NXN: variants seen among roughly 807,000 people sequenced by gnomAD.
The protein encoded by NXN is nucleoredoxin, also known as nucleoredoxin 1.
NXN carries 16 observed loss-of-function variants against 48.6 expected under a neutral mutation model. The ratio of observed to expected loss-of-function variants is 0.33; its 90% CI spans 0.22 to 0.50. NXN has a LOEUF of 0.50. NXN is among the 20% of genes least tolerant of loss of function. NXN has a pLI of 0.98. For synonymous variants in NXN, 281 were observed against 269.6 expected (o/e 1.04, Z -0.41); for missense variants, 492 against 605.5 (o/e 0.81, Z 1.97).
At chr17:963,626 T>C (rs1480031771) in intron 1 of NXN, among the ~76,000 whole-genome samples, 3 of 148,644 alleles carry the variant, frequency 2.0e-5, no homozygotes, top group African/African-American at 7.4e-5. Context: ...AAAAAGGAAA[T>C]TTTTTTTTTT....
At position 831,000 on chromosome 17, in the gene NXN, CAAAA is replaced by C. The variant is rs567432488; in HGVS notation, c.361-4926_361-4923del. On this transcript the variant is annotated intron_variant, in intron 1 of 7. Coordinates refer to ENST00000336868, the MANE Select transcript of NXN (RefSeq NM_022463.5). This position sits in a 1 kb window ranked among gnomAD's most constrained non-coding sequence, Gnocchi z 4.2. ...GGGCAACAAGAGCGAAACTCCGTCT[CAAAA>C]AAAAAAAAAAAACATGCTCTAACCT... Among the ~76,000 whole-genome samples the C allele has an allele frequency of 1.8e-5, 2 of 108,286 alleles. No homozygotes were observed. The highest frequency in any genetic ancestry group is 3.4e-5 in the African/African-American group (1 of 29,282). 71.0% of individuals were successfully genotyped at this position (108,286 alleles called of 152,430 possible).
intron 5 of NXN, among the ~76,000 whole-genome samples, chr17:813,690 C>A (rs541208625): frequency 6.6e-5 from 10 of 152,274 alleles, no homozygotes; most frequent in Admixed American, 2.0e-4. Flanking sequence ...TACGGCCGGC[C>A]GGGCGCGGTG....
chr17:885,122 G>C (rs1438692605), intron 1 of NXN, among the ~76,000 whole-genome samples: 1 of 152,224 alleles, frequency 6.6e-6, no homozygotes, highest in Non-Finnish European at 1.5e-5. Context: ...CATTCAGGCT[G>C]ACATGTCCCA....
chr17:962,510 A>G (rs2069249775), intron 1 of NXN, among the ~76,000 whole-genome samples: 1 of 152,188 alleles, frequency 6.6e-6, no homozygotes, highest in Non-Finnish European at 1.5e-5. Flanking sequence ...TCTACCAAAA[A>G]TACAAAAATT....
intron 1 of NXN, among the ~76,000 whole-genome samples, chr17:896,705 T>C (rs1366543249): frequency 2.0e-5 from 3 of 152,278 alleles, no homozygotes; most frequent in African/African-American, 7.2e-5. Flanking sequence ...GAAGTTTTTG[T>C]GGAATTGACA....
intron 5 of NXN, among the ~76,000 whole-genome samples, chr17:811,784 G>A (rs1281296708): frequency 2.6e-5 from 4 of 151,998 alleles, no homozygotes; most frequent in Admixed American, 6.6e-5. Flanking sequence ...TCGAGGCCCC[G>A]ACTCCCCCAC....
At chr17:865,510 G>A (rs1321046005) in intron 1 of NXN, among the ~76,000 whole-genome samples, 1 of 151,520 alleles carries the variant, frequency 6.6e-6, no homozygotes, top group African/African-American at 2.4e-5. Context: ...CCACAGTGCT[G>A]GTATTACAGG....
chr17:845,312 A>G (rs1015638974), intron 1 of NXN, among the ~76,000 whole-genome samples: 1 of 151,760 alleles, frequency 6.6e-6, no homozygotes, highest in Non-Finnish European at 1.5e-5. Flanking sequence ...CTAAAATCCT[A>G]CCATCATCAC....
intron 1 of NXN, among the ~76,000 whole-genome samples, chr17:975,016 T>C (rs1336572747): frequency 6.6e-6 from 1 of 151,872 alleles, no homozygotes; most frequent in African/African-American, 2.4e-5. Context: ...GCAAAGACAA[T>C]GTTTCACCAT....
At chr17:916,611 C>A (rs1168169053) in intron 1 of NXN, among the ~76,000 whole-genome samples, 2 of 152,178 alleles carry the variant, frequency 1.3e-5, no homozygotes, top group Non-Finnish European at 2.9e-5. Context: ...GGGATCCCTG[C>A]AAAGCACTCA....
chr17:951,630 C>G (rs1284824830), intron 1 of NXN, among the ~76,000 whole-genome samples: 2 of 151,926 alleles, frequency 1.3e-5, no homozygotes, highest in East Asian at 1.9e-4. Flanking sequence ...GATCCAGGCG[C>G]TCTCTGGCAG....
intron 1 of NXN, among the ~76,000 whole-genome samples, chr17:861,905 C>CG (rs1567838177): frequency 6.6e-6 from 1 of 152,032 alleles, no homozygotes; most frequent in Non-Finnish European, 1.5e-5. Context: ...TCTCAGCTCA[C>CG]TGCAACCTCT....
intron 1 of NXN, among the ~76,000 whole-genome samples, chr17:885,295 T>G (rs1274935909): frequency 6.6e-6 from 1 of 152,070 alleles, no homozygotes; most frequent in African/African-American, 2.4e-5. Context: ...CTGGCCAACA[T>G]GGTGACACCT....
intron 1 of NXN, among the ~76,000 whole-genome samples, chr17:918,267 G>T (rs1287466948): frequency 1.3e-5 from 2 of 152,156 alleles, no homozygotes; most frequent in Non-Finnish European, 2.9e-5. Flanking sequence ...GGCCCAAAGG[G>T]GTCTGGTCTT....
At chr17:840,844 G>T (rs865821923) in intron 1 of NXN, among the ~76,000 whole-genome samples, 3 of 152,128 alleles carry the variant, frequency 2.0e-5, no homozygotes, top group Non-Finnish European at 4.4e-5. Flanking sequence ...ACACACAGAC[G>T]ACTCCCAGGA....
chr17:807,549 G>C (rs1222988003), intron 5 of NXN, among the ~76,000 whole-genome samples: 1 of 152,234 alleles, frequency 6.6e-6, no homozygotes, highest in African/African-American at 2.4e-5. Context: ...GTGCCTGCGG[G>C]GCCCAGGACA....
chr17:841,282 C>T (rs539358077), intron 1 of NXN, among the ~76,000 whole-genome samples: 1 of 152,350 alleles, frequency 6.6e-6, no homozygotes, highest in African/African-American at 2.4e-5. Flanking sequence ...CCTCACGCTG[C>T]AGGGGCGTCA....
chr17:823,768 G>A lies in NXN; in HGVS notation c.479-3C>T. On this transcript the variant is annotated splice_region_variant and splice_polypyrimidine_tract_variant and intron_variant, in intron 2 of 7. Coordinates refer to ENST00000336868, the MANE Select transcript of NXN (RefSeq NM_022463.5). ...CGGTCCCCAGGGGAACTCCAGACCT[G>A]AAACAGAAAACAGATGGTAAAAGAG... 1 of 1,614,090 alleles carries A rather than the reference G, an allele frequency of 6.2e-7. No individual in the cohort carries two copies. The highest frequency in any genetic ancestry group is 1.6e-4 in the Middle Eastern group (1 of 6,062).
chr17:920,495 G>A lies in NXN; in HGVS notation c.360+58824C>T, dbSNP rs1325323641. Among the ~76,000 whole-genome samples the A allele has an allele frequency of 6.6e-6, 1 of 151,822 alleles. No individual in the cohort carries two copies. Among genetic ancestry groups the A allele is most frequent in the African/African-American group, 2.4e-5 (1 of 41,308 alleles). ...TCCCAGGGTTCCGCTCCCTCCCCAAGTGACCAGCCCTCACCAGCTCACTCC... is the reference window on the plus strand; with the variant it reads ...TCCCAGGGTTCCGCTCCCTCCCCAAATGACCAGCCCTCACCAGCTCACTCC... On this transcript the variant is annotated intron_variant, in intron 1 of 7. Coordinates refer to ENST00000336868, the MANE Select transcript of NXN (RefSeq NM_022463.5). This position sits in a 1 kb window ranked among gnomAD's most constrained non-coding sequence, Gnocchi z 4.6.
Sources: allele counts gnomAD v4.1 joint callset (sites outside exome capture counted in the v4.1 genomes callset), GRCh38; gene constraint gnomAD v4.1.1; non-coding constraint Gnocchi (gnomAD v3.1); transcripts MANE v1.5; gene names NCBI Gene and HGNC (gene_info 2026-07-23, HGNC 2026-07-21).